DISC1: variants seen among roughly 807,000 people sequenced by gnomAD.
The protein encoded by DISC1 is disrupted in schizophrenia 1 protein.
DISC1 carries 57 observed loss-of-function variants against 84.5 expected under a neutral mutation model. That is an observed-to-expected ratio of 0.67 (90% CI 0.55 to 0.84). The LOEUF is 0.84. DISC1 is among the 40% of genes least tolerant of loss of function. The pLI, the probability that DISC1 is intolerant of heterozygous loss-of-function variation, is 0.00. For synonymous variants in DISC1, 411 were observed against 415.2 expected (o/e 0.99, Z 0.12); for missense variants, 1,000 against 1,057.8 (o/e 0.95, Z 0.76).
At chr1:231,807,880 A>G (rs1254475401) in intron 8 of DISC1, among the ~76,000 whole-genome samples, 1 of 152,244 alleles carries the variant, frequency 6.6e-6, no homozygotes, top group Non-Finnish European at 1.5e-5. Context: ...AACTTTTAAA[A>G]GAGAATTATA....
chr1:231,637,268 T>C (rs2059279573), intron 1 of DISC1, among the ~76,000 whole-genome samples: 2 of 152,250 alleles, frequency 1.3e-5, no homozygotes, highest in African/African-American at 4.8e-5. Context: ...TAAACATACG[T>C]GTGCATGTAT....
chr1:231,816,036 A>C (rs533370292), intron 8 of DISC1, among the ~76,000 whole-genome samples: 3 of 152,324 alleles, frequency 2.0e-5, no homozygotes, highest in African/African-American at 7.2e-5. Context: ...ACTTTATGAG[A>C]AACTGGCAGA....
chr1:231,916,442 C>T (rs1254403750), intron 9 of DISC1, among the ~76,000 whole-genome samples: 1 of 151,870 alleles, frequency 6.6e-6, no homozygotes, highest in Non-Finnish European at 1.5e-5. Flanking sequence ...ATCACGAGGT[C>T]AGGAGATCGA....
chr1:231,702,352 C>T lies in DISC1; in HGVS notation c.1117+328C>T, dbSNP rs143819755. ...AATCCACTTGTTCATAAAAAATATT[C>T]GTCTGACACCTATGATATGCTAGGG... is the stretch of plus-strand genomic sequence containing the variant. On this transcript the variant is annotated intron_variant, in intron 3 of 12. Coordinates refer to ENST00000439617, the MANE Select transcript of DISC1 (RefSeq NM_018662.3). 2.2e-5 allele frequency: 23 copies of T among 1,042,046 alleles called. No homozygotes were observed. The East Asian group carries it at 1.5e-3, about 67-fold the overall frequency. 64.5% of individuals were successfully genotyped at this position (1,042,046 alleles called of 1,614,324 possible). A position where few individuals can be genotyped will look rare whatever the true frequency, so the allele number is the denominator to read the frequency against.
chr1:232,039,811 A>G lies in DISC1; in HGVS notation c.*2980A>G, dbSNP rs1001869793. On this transcript the variant is annotated 3_prime_UTR_variant, in exon 13 of 13. Coordinates refer to ENST00000439617, the MANE Select transcript of DISC1 (RefSeq NM_018662.3). ...GCCAAGACCACAAGCAAAAGCACAT[A>G]CTGGAAATGATGAGTTAGAATCTGA... 2.6e-5 allele frequency: 4 copies of G among 152,122 alleles called. No individual in the cohort carries two copies. Among genetic ancestry groups the G allele is most frequent in the Non-Finnish European group, 4.4e-5 (3 of 68,028 alleles). 9.4% of individuals were successfully genotyped at this position (152,122 alleles called of 1,614,324 possible). A position where few individuals can be genotyped will look rare whatever the true frequency, so the allele number is the denominator to read the frequency against.
At chr1:231,628,996 C>G (rs1043495429) in intron 1 of DISC1, among the ~76,000 whole-genome samples, 2 of 152,136 alleles carry the variant, frequency 1.3e-5, no homozygotes, top group Non-Finnish European at 2.9e-5. Flanking sequence ...TTTGGCCTCC[C>G]AAAGCGCTAG....
At chr1:231,904,644 CTGGGAGCAA>C (rs1165958466) in intron 9 of DISC1, among the ~76,000 whole-genome samples, 1 of 152,114 alleles carries the variant, frequency 6.6e-6, no homozygotes, top group Non-Finnish European at 1.5e-5. Flanking sequence ...CTGAGAGAGT[CTGGGAGCAA>C]TGACATCCCA....
At chr1:231,774,536 C>T (rs981393239) in intron 6 of DISC1, 14 of 358,498 alleles carry the variant, frequency 3.9e-5, no homozygotes, top group Non-Finnish European at 5.5e-5. Context: ...TGGCATCAGT[C>T]TAATTTACTT....
intron 10 of DISC1, among the ~76,000 whole-genome samples, chr1:231,974,967 G>A (rs1662576234): frequency 6.6e-6 from 1 of 152,150 alleles, no homozygotes; most frequent in African/African-American, 2.4e-5. Context: ...GGGCGTGGTG[G>A]CACATGCCTG....
At chr1:231,967,376 T>C (rs1661268694) in intron 10 of DISC1, among the ~76,000 whole-genome samples, 1 of 152,336 alleles carries the variant, frequency 6.6e-6, no homozygotes, top group Admixed American at 6.5e-5. Context: ...GGGAAGAACA[T>C]ATTATAATTT....
intron 11 of DISC1, among the ~76,000 whole-genome samples, chr1:232,013,016 G>T (rs72762361): frequency 6.6e-6 from 1 of 152,114 alleles, no homozygotes; most frequent in African/African-American, 2.4e-5. Flanking sequence ...GCCCTGGTTC[G>T]TAGATGTTAC....
At chr1:231,983,363 G>C (rs1663894243) in intron 10 of DISC1, among the ~76,000 whole-genome samples, 1 of 151,320 alleles carries the variant, frequency 6.6e-6, no homozygotes, top group Non-Finnish European at 1.5e-5. Flanking sequence ...AGGGGGTGCA[G>C]AAGCTGAGTG....
At chr1:231,773,749 G>A (rs1379536113) in intron 6 of DISC1, among the ~76,000 whole-genome samples, 1 of 152,164 alleles carries the variant, frequency 6.6e-6, no homozygotes, top group Non-Finnish European at 1.5e-5. Context: ...TGCTGTTAGG[G>A]AAATTATATA....
chr1:231,945,781 A>T (rs1054671797), intron 9 of DISC1, among the ~76,000 whole-genome samples: 2 of 152,212 alleles, frequency 1.3e-5, no homozygotes, highest in African/African-American at 2.4e-5. Context: ...TAAAGGGGAT[A>T]TCACCACCTA....
chr1:231,897,231 C>T lies in DISC1; in HGVS notation c.1982-61597C>T, dbSNP rs970586752. Among the ~76,000 whole-genome samples, 1 of 152,190 alleles carries T rather than the reference C, an allele frequency of 6.6e-6. No homozygotes were observed. The highest frequency in any genetic ancestry group is 2.4e-5 in the African/African-American group (1 of 41,442). On this transcript the variant is annotated intron_variant, in intron 9 of 12. Transcript: ENST00000439617. The surrounding 1 kb of genome is among the most constrained non-coding windows in gnomAD (Gnocchi z 4.5). Reference sequence around the variant, plus strand: ...AAACAGAGGGAGGACATATTGCAGCCAAACCTCGGTGAACTGACTTGGGTA... The same window carrying T: ...AAACAGAGGGAGGACATATTGCAGCTAAACCTCGGTGAACTGACTTGGGTA...
intron 3 of DISC1, chr1:231,702,413 G>C: frequency 3.0e-6 from 3 of 995,984 alleles, no homozygotes; most frequent in Non-Finnish European, 3.6e-6. Flanking sequence ...GACAGACATG[G>C]TATCTGCCCT....
chr1:231,750,184 C>T (rs2074459654), intron 4 of DISC1, 108 bp downstream of exon 4: 3 of 1,482,228 alleles, frequency 2.0e-6, no homozygotes, highest in Non-Finnish European at 2.7e-6. Flanking sequence ...CCTTGGCTGC[C>T]TTTCCTGGGA....
At chr1:231,846,700 A>T (rs1424096845) in intron 9 of DISC1, among the ~76,000 whole-genome samples, 3 of 152,258 alleles carry the variant, frequency 2.0e-5, no homozygotes, top group Non-Finnish European at 4.4e-5. Context: ...TAGTAACTAA[A>T]GTGGCGGAGG....
intron 9 of DISC1, among the ~76,000 whole-genome samples, chr1:231,938,542 A>T (rs1405157449): frequency 6.6e-6 from 1 of 152,198 alleles, no homozygotes. Flanking sequence ...TGAATCCCAG[A>T]GCCTCCAGAA....
Sources: allele counts gnomAD v4.1 joint callset (sites outside exome capture counted in the v4.1 genomes callset), GRCh38; gene constraint gnomAD v4.1.1; non-coding constraint Gnocchi (gnomAD v3.1); transcripts MANE v1.5; gene names NCBI Gene and HGNC (gene_info 2026-07-23, HGNC 2026-07-21).